The following MON1A variants were observed in gnomAD, a reference collection of about 807,000 sequenced individuals.
MON1A encodes the protein MON1 vesicular trafficking associated A.
Under a neutral mutation model 44.6 loss-of-function variants are expected in MON1A, and 29 were observed. The ratio of observed to expected loss-of-function variants is 0.65; its 90% CI spans 0.48 to 0.89. The LOEUF (loss-of-function observed/expected upper bound fraction) is 0.89. Among genes scored for constraint, MON1A ranks in the 40% least tolerant of loss-of-function variants. MON1A has a pLI of 0.00. For missense variants in MON1A, 615 were observed against 759.6 expected (o/e 0.81, Z 2.24); for synonymous variants, 275 against 316.4 (o/e 0.87, Z 1.39).
chr3:49,911,563 C>G lies in MON1A; in HGVS notation c.576G>C (p.Leu192=), dbSNP rs202059116. 4 of 1,613,428 alleles carry G rather than the reference C, an allele frequency of 2.5e-6. No homozygotes were observed. The Admixed American group carries it at 5.0e-5, about 20-fold the overall frequency. Residue 192 remains leucine, a synonymous_variant, in exon 3 of 6, where the codon CTG becomes CTC. Coordinates refer to ENST00000296473, the MANE Select transcript of MON1A (RefSeq NM_032355.4). The surrounding 1 kb of genome is among the most constrained non-coding windows in gnomAD (Gnocchi z 5.7). ...MGVMVALVSF[L]EADKNAIRSI... is the part of the protein sequence containing the mutation. ...AGCGGATGGCGTTCTTGTCTGCCTC[C>G]AGGAAGGACACCAGGGCCACCATAA...
intron 1 of MON1A, among the ~76,000 whole-genome samples, chr3:49,927,070 C>T (rs537206971): frequency 1.6e-4 from 24 of 152,286 alleles, no homozygotes; most frequent in East Asian, 7.7e-4. Flanking sequence ...TGAGCCACCG[C>T]GCCCAGCTGA....
rs2082861149 is a variant in MON1A at position 49,910,375 on chromosome 3, C to G, written c.1123G>C (p.Ala375Pro). ...GAGATGTGTGCGTGGAAGAAGCCGG[C>G]TGCGTTGAATTTGGGCAGGCACACG... ...TPVCLPKFNA[A>P]GFFHAHISYL... Residue 375 changes from alanine (A) to proline (P), a missense_variant, in exon 4 of 6, where the codon GCC becomes CCC. Ala to Pro is a conservative substitution (Grantham distance 27). Transcript: ENST00000296473. The surrounding 1 kb of genome is among the most constrained non-coding windows in gnomAD (Gnocchi z 8.0). 1 of 1,614,228 alleles carries G rather than the reference C, an allele frequency of 6.2e-7. No individual in the cohort carries two copies. Among genetic ancestry groups the G allele is most frequent in the East Asian group, 2.2e-5 (1 of 44,872 alleles).
At chr3:49,922,598 G>A (rs1182615436) in intron 1 of MON1A, among the ~76,000 whole-genome samples, 1 of 145,374 alleles carries the variant, frequency 6.9e-6, no homozygotes, top group Non-Finnish European at 1.5e-5. Flanking sequence ...AAGGAAGGAA[G>A]CAAGGAAGGG....
At chr3:49,912,999 C>T in intron 2 of MON1A, 2 of 682,170 alleles carry the variant, frequency 2.9e-6, no homozygotes, top group Non-Finnish European at 5.3e-6. Flanking sequence ...CCCACAATGG[C>T]AGCCAGAAAG....
chr3:49,908,975 C>T lies in MON1A; in HGVS notation c.*39G>A. 2 of 1,577,778 alleles carry T rather than the reference C, an allele frequency of 1.3e-6. No individual in the cohort carries two copies. The highest frequency in any genetic ancestry group is 1.7e-6 in the Non-Finnish European group (2 of 1,158,536). ...TGGAGGCTCCTATGGCTTCCCACAC[C>T]TAGTGTGTCCAGGAAGGCTGAGCCC... is the stretch of plus-strand genomic sequence containing the variant. On this transcript the variant is annotated 3_prime_UTR_variant, in exon 6 of 6. Transcript: ENST00000296473.
intron 1 of MON1A, chr3:49,916,878 G>T (rs931246623): frequency 2.6e-5 from 4 of 152,326 alleles, no homozygotes; most frequent in Admixed American, 6.5e-5. Flanking sequence ...GGAAACTAGG[G>T]CATGTCTAAG....
At chr3:49,929,509 T>C in intron 1 of MON1A, 100 bp downstream of exon 1, 1 of 1,357,722 alleles carries the variant, frequency 7.4e-7, no homozygotes, top group Non-Finnish European at 1.0e-6. Flanking sequence ...ACGATAGCGT[T>C]GATGGCTGGA....
rs888921118 is a variant in MON1A at position 49,908,949 on chromosome 3, C to T, written c.*65G>A. On this transcript the variant is annotated 3_prime_UTR_variant, in exon 6 of 6. Coordinates refer to ENST00000296473, the MANE Select transcript of MON1A (RefSeq NM_032355.4). ...CTGGGCAAGAGAGGCCAGCCCCCAT[C>T]TGGAGGCTCCTATGGCTTCCCACAC... is the stretch of plus-strand genomic sequence containing the variant. 1 of 1,530,414 alleles carries T rather than the reference C, an allele frequency of 6.5e-7. No homozygotes were observed. The highest frequency in any genetic ancestry group is 2.3e-5 in the East Asian group (1 of 43,910). The allele number at this position is 1,530,414 out of a possible 1,614,324, so 94.8% of individuals were successfully genotyped here. A position where few individuals can be genotyped will look rare whatever the true frequency, so the allele number is the denominator to read the frequency against.
At chr3:49,918,134 C>T (rs1014052021) in intron 1 of MON1A, among the ~76,000 whole-genome samples, 1 of 151,980 alleles carries the variant, frequency 6.6e-6, no homozygotes, top group African/African-American at 2.4e-5. Flanking sequence ...GTCAGGAGTT[C>T]GCAACCAGCC....
rs755840512 is a variant in MON1A, at chr3:49,911,904, C to A, written c.235G>T (p.Gly79Cys). 3.1e-6 allele frequency: 5 copies of A among 1,613,930 alleles called. No individual in the cohort carries two copies. The South Asian group carries it at 4.4e-5, about 14-fold the overall frequency. ...SGDSHKEGTR[G>C]PPPLPTDMRQ... is the part of the protein sequence containing the mutation. The stretch of plus-strand genomic sequence containing the variant: ...ATGTCTGTAGGCAGCGGCGGGGGAC[C>A]CCTGGTACCCTCCTTGTGGCTGTCC... Residue 79 changes from glycine (G) to cysteine (C), a missense_variant, in exon 3 of 6, where the codon GGT becomes TGT. Physicochemically the swap from Gly to Cys is radical, Grantham distance 159. Transcript: ENST00000296473. The surrounding 1 kb of genome is among the most constrained non-coding windows in gnomAD (Gnocchi z 5.7).
intron 2 of MON1A, 50 bp from the exon 3 acceptor site, chr3:49,912,061 T>G (rs1264011927): frequency 6.6e-7 from 1 of 1,524,364 alleles, no homozygotes; most frequent in South Asian, 1.3e-5. Context: ...TGGCAGACAC[T>G]CCTACCAGCA....
chr3:49,909,317 T>C lies in MON1A; in HGVS notation c.1463A>G (p.His488Arg). Residue 488 changes from histidine (H) to arginine (R), a missense_variant, in exon 5 of 6, where the codon CAC becomes CGC. Transcript: ENST00000296473. The surrounding 1 kb of genome is among the most constrained non-coding windows in gnomAD (Gnocchi z 4.0). ...GLYQYLHSRA[H>R]NASRPLKTIY... ...GGTCTTGAGTGGGCGAGAGGCATTG[T>C]GGGCACGACTGTGCAAGTACTGGTA... 6.2e-7 allele frequency: 1 copy of C among 1,614,044 alleles called. No homozygotes were observed.
rs1214565894 is a variant in MON1A at position 49,910,423 on chromosome 3, G to C, written c.1075C>G (p.Arg359Gly). 1.9e-6 allele frequency: 3 copies of C among 1,614,124 alleles called. No individual in the cohort carries two copies. Among genetic ancestry groups the C allele is most frequent in the African/African-American group, 1.3e-5 (1 of 74,954 alleles). Residue 359 changes from arginine (R) to glycine (G), a missense_variant, in exon 4 of 6, where the codon CGC becomes GGC. By Grantham distance (125) the Arg-to-Gly change is moderately radical (BLOSUM62 -2). Transcript: ENST00000296473. This position sits in a 1 kb window ranked among gnomAD's most constrained non-coding sequence, Gnocchi z 8.0. ...FNLISSSSSFREGEAWTPVCL... is the reference protein window; with the variant it reads ...FNLISSSSSFGEGEAWTPVCL... ...ACGGGCGTCCAGGCCTCGCCCTCGCGAAAGGACGAGGAGGAACTAATGAGG... is the reference window on the plus strand; with the variant it reads ...ACGGGCGTCCAGGCCTCGCCCTCGCCAAAGGACGAGGAGGAACTAATGAGG...
rs377148786 is a variant in MON1A, at chr3:49,913,148, G to C, written c.127+72C>G. The C allele has an allele frequency of 7.6e-5, 121 of 1,585,134 alleles. 1 individual carries two copies. In the East Asian group the frequency reaches 1.7e-3, roughly 22 times the overall value. On this transcript the variant is annotated intron_variant, in intron 2 of 5. Transcript: ENST00000296473. ...CATGAATAAGTGGAAAGGAAAAAGT[G>C]GTTGGGAATCCTAATTCCCCCTGGA...
At position 49,929,678 on chromosome 3, in the gene MON1A, G is replaced by A; in HGVS notation, c.-83C>T. 1 of 1,551,258 alleles carries A rather than the reference G, an allele frequency of 6.4e-7. No individual in the cohort carries two copies. Among genetic ancestry groups the A allele is most frequent in the Non-Finnish European group, 8.7e-7 (1 of 1,146,916 alleles). ...TGCCCTCTGCCGGACCCATGGAGGG[G>A]TAAGGGTGTCCGGCCGGGGCCGGCC... On this transcript the variant is annotated 5_prime_UTR_variant, in exon 1 of 6. Coordinates refer to ENST00000296473, the MANE Select transcript of MON1A (RefSeq NM_032355.4).
intron 2 of MON1A, chr3:49,913,017 C>T (rs755648824): frequency 1.5e-5 from 11 of 724,580 alleles, no homozygotes; most frequent in South Asian, 4.5e-5. Context: ...AAGCTCAGGG[C>T]GAGCAGCATA....
Position 49,911,190 on chromosome 3 carries a change from T to TTAGATAGATAGATAGA in MON1A, c.613+320_614-307dup, listed in dbSNP as rs10564221. ...GCTCAGGACCTGGGAGATAGATAGA[T>TTAGATAGATAGATAGA]TAGATAGATAGATAGATAGATAGAT... is the stretch of plus-strand genomic sequence containing the variant. On this transcript the variant is annotated intron_variant, in intron 3 of 5. Transcript: ENST00000296473. This position sits in a 1 kb window ranked among gnomAD's most constrained non-coding sequence, Gnocchi z 5.7. Among the ~76,000 whole-genome samples, 174 of 95,550 alleles carry TTAGATAGATAGATAGA rather than the reference T, an allele frequency of 1.8e-3. 1 individual carries two copies. The highest frequency in any genetic ancestry group is 3.9e-3 in the Admixed American group (40 of 10,316). The allele number at this position is 95,550 out of a possible 152,430, so 62.7% of individuals were successfully genotyped here. A position where few individuals can be genotyped will look rare whatever the true frequency, so the allele number is the denominator to read the frequency against.
intron 1 of MON1A, chr3:49,924,686 A>G (rs1179203874): frequency 6.1e-6 from 1 of 163,524 alleles, no homozygotes; most frequent in Non-Finnish European, 1.4e-5. Context: ...GTCTCAAAAA[A>G]AAATGAAAAA....
intron 1 of MON1A, among the ~76,000 whole-genome samples, chr3:49,926,953 A>AT (rs1383731995): frequency 6.6e-6 from 1 of 150,420 alleles, no homozygotes; most frequent in East Asian, 2.0e-4. Context: ...CAATTTTTGT[A>AT]TTTTTAGTAG....
Sources: allele counts gnomAD v4.1 joint callset (sites outside exome capture counted in the v4.1 genomes callset), GRCh38; gene constraint gnomAD v4.1.1; non-coding constraint Gnocchi (gnomAD v3.1); transcripts MANE v1.5; gene names NCBI Gene and HGNC (gene_info 2026-07-23, HGNC 2026-07-21).